The following NBAS variants were observed in gnomAD, a reference collection of about 807,000 sequenced individuals.
NBAS encodes the protein NAG/BC035112 fusion.
In NBAS, 219 loss-of-function variants were observed where a neutral mutation model predicts 302.5. The observed-to-expected ratio is 0.72, with a 90% CI of 0.65 to 0.81. The LOEUF (loss-of-function observed/expected upper bound fraction) is 0.81, where lower values mean the gene tolerates loss of function less well. Among genes scored for constraint, NBAS ranks in the 30% least tolerant of loss-of-function variants. NBAS has a pLI of 0.00. For synonymous variants in NBAS, 1,118 were observed against 1,021.6 expected (o/e 1.09, Z -1.80); for missense variants, 2,932 against 2,841.6 (o/e 1.03, Z -0.72).
chr2:15,126,712 T>A, the NBAS span, among the ~76,000 whole-genome samples: 1 of 152,114 alleles, frequency 6.6e-6, no homozygotes, highest in Non-Finnish European at 1.5e-5. Context: ...TGGAAGGCAG[T>A]TGGTAGGTAC....
chr2:14,798,859 G>A, the NBAS span, among the ~76,000 whole-genome samples: 3 of 151,932 alleles, frequency 2.0e-5, no homozygotes, highest in Non-Finnish European at 4.4e-5. Flanking sequence ...TTGGCATAAA[G>A]TTATTCATAG....
the NBAS span, among the ~76,000 whole-genome samples, chr2:15,088,136 A>C: frequency 5.9e-5 from 9 of 152,278 alleles, 1 homozygote; most frequent in South Asian, 1.7e-3. Flanking sequence ...GTCGAGCAGG[A>C]ATAAGGGATG....
chr2:15,402,289 T>C lies in NBAS; in HGVS notation c.2950A>G (p.Ile984Val). ...QHSKPDLQQK[I>V]IPDQDQLMAI... is the part of the protein sequence containing the mutation. The stretch of plus-strand genomic sequence containing the variant: ...ATCAGTTGGTCCTGATCAGGAATAA[T>C]TTTTTGCTGCAGCTACAGAAAATAA... The change falls in exon 26 of 52, where the codon ATT becomes GTT. Residue 984 changes from isoleucine (I) to valine (V), a missense_variant. Physicochemically the swap from Ile to Val is conservative, Grantham distance 29. Coordinates refer to ENST00000281513, the MANE Select transcript of NBAS (RefSeq NM_015909.4). 6.2e-7 allele frequency: 1 copy of C among 1,612,634 alleles called. No homozygotes were observed. Among genetic ancestry groups the C allele is most frequent in the Non-Finnish European group, 8.5e-7 (1 of 1,178,780 alleles).
chr2:15,392,021 C>CAAAAA lies in NBAS; in HGVS notation c.3257+2205_3257+2206insTTTTT, dbSNP rs11378139. 8.0e-3 allele frequency among the ~76,000 whole-genome samples: 1,200 copies of CAAAAA among 149,382 alleles called. 18 individuals are homozygous for CAAAAA. The highest frequency in any genetic ancestry group is 0.057 in the East Asian group (294 of 5,118). On this transcript the variant is annotated intron_variant, in intron 28 of 51. Coordinates refer to ENST00000281513, the MANE Select transcript of NBAS (RefSeq NM_015909.4). ...ATGAATCACTGGCATCCTAGCACTA[C>CAAAAA]CAAAAAAAAAATTAAAAGAAGCCTT...
intron 35 of NBAS, among the ~76,000 whole-genome samples, chr2:15,346,455 C>G (rs762786728): frequency 1.1e-3 from 162 of 152,040 alleles, no homozygotes; most frequent in Admixed American, 3.0e-3. Context: ...AATGAGATAC[C>G]ATCTCACGCC....
At chr2:14,906,398 C>T in the NBAS span, among the ~76,000 whole-genome samples, 1 of 152,210 alleles carries the variant, frequency 6.6e-6, no homozygotes, top group Non-Finnish European at 1.5e-5. Context: ...GATTCACACT[C>T]ACATCTCATT....
intron 35 of NBAS, among the ~76,000 whole-genome samples, chr2:15,336,718 A>AGACT (rs1159875683): frequency 6.6e-6 from 1 of 151,996 alleles, no homozygotes; most frequent in African/African-American, 2.4e-5. Flanking sequence ...CGACAGAACA[A>AGACT]GACTCCATAT....
the NBAS span, among the ~76,000 whole-genome samples, chr2:15,150,155 T>C: frequency 1.3e-5 from 2 of 151,686 alleles, no homozygotes; most frequent in African/African-American, 4.8e-5. Flanking sequence ...TAATAAGTAA[T>C]CCTAAACTTC....
At chr2:14,960,381 T>C in the NBAS span, among the ~76,000 whole-genome samples, 22 of 152,352 alleles carry the variant, frequency 1.4e-4, 1 homozygote, top group South Asian at 4.4e-3. Context: ...ACAGTGGCAC[T>C]CAATCCAGAA....
the NBAS span, among the ~76,000 whole-genome samples, chr2:15,108,482 C>T: frequency 6.6e-6 from 1 of 152,080 alleles, no homozygotes; most frequent in Non-Finnish European, 1.5e-5. Context: ...AGCAGGAGAA[C>T]TTGATGTTAA....
chr2:15,121,155 T>C, the NBAS span, among the ~76,000 whole-genome samples: 1 of 152,214 alleles, frequency 6.6e-6, no homozygotes, highest in Non-Finnish European at 1.5e-5. Flanking sequence ...AGCTGAGTTT[T>C]CCTCATGGGC....
intron 9 of NBAS, among the ~76,000 whole-genome samples, chr2:15,511,866 T>C (rs1662159402): frequency 6.6e-6 from 1 of 152,208 alleles, no homozygotes; most frequent in Non-Finnish European, 1.5e-5. Flanking sequence ...CTTTTCTGTT[T>C]GTTACACTCC....
chr2:15,443,387 A>G (rs1015844046), intron 21 of NBAS, among the ~76,000 whole-genome samples: 54 of 152,070 alleles, frequency 3.6e-4, no homozygotes, highest in East Asian at 9.7e-4. Context: ...TATAAACAGA[A>G]CCAAAGACAA....
In NBAS at chr2:15,241,773, CAT is replaced by C. The variant is rs112441060; in HGVS notation, c.5725-3089_5725-3088del. Among the ~76,000 whole-genome samples, 631 of 152,286 alleles carry C rather than the reference CAT, an allele frequency of 4.1e-3. 6 individuals are homozygous for C. The highest frequency in any genetic ancestry group is 0.012 in the African/African-American group (486 of 41,550). On this transcript the variant is annotated intron_variant, in intron 44 of 51. Coordinates refer to ENST00000281513, the MANE Select transcript of NBAS (RefSeq NM_015909.4). ...TGTCATCTTCCTAATAAATTTGTCA[CAT>C]GTTTCCCTTTTAGAAAAACCTTTTT...
At chr2:15,275,884 A>G in intron 43 of NBAS, 66 bp from the exon 44 acceptor site, 2 of 1,361,866 alleles carry the variant, frequency 1.5e-6, no homozygotes, top group Non-Finnish European at 2.1e-6. Flanking sequence ...TCACTTTCAA[A>G]CACACACACA....
rs1390728430 is a variant in NBAS at position 15,179,192 on chromosome 2, C to T, written c.6712-76G>A. 1.9e-5 allele frequency: 30 copies of T among 1,608,232 alleles called. 1 individual carries two copies. In the South Asian group the frequency reaches 2.9e-4, roughly 15 times the overall value. On this transcript the variant is annotated intron_variant, in intron 50 of 51. Transcript: ENST00000281513. ...CGGCACGGTTCTGGCTGGATCATTC[C>T]ACCCCTTTTTCTGTGGTAGCGTGTG...
chr2:14,809,066 G>A, the NBAS span, among the ~76,000 whole-genome samples: 2 of 152,304 alleles, frequency 1.3e-5, no homozygotes, highest in South Asian at 4.1e-4. Flanking sequence ...CATTCAAGAT[G>A]TGATTTGGGT....
intron 28 of NBAS, among the ~76,000 whole-genome samples, chr2:15,388,438 A>G (rs552601862): frequency 6.6e-6 from 1 of 152,206 alleles, no homozygotes; most frequent in Non-Finnish European, 1.5e-5. Context: ...AAATGCTACT[A>G]TATACCCATC....
chr2:15,082,094 G>A, the NBAS span, among the ~76,000 whole-genome samples: 1 of 152,140 alleles, frequency 6.6e-6, no homozygotes, highest in Non-Finnish European at 1.5e-5. Context: ...GTGTAAAAAT[G>A]GTAGCTATTA....
Sources: gnomAD v4.1 joint callset for allele counts (sites outside exome capture counted in the v4.1 genomes callset) on GRCh38, gnomAD v4.1.1 for gene constraint, MANE v1.5 for transcripts, NCBI Gene and HGNC (gene_info 2026-07-23, HGNC 2026-07-21) for gene names.